Variants in FRMPD1 observed in about 807,000 individuals in gnomAD.
The protein encoded by FRMPD1 is FERM and PDZ domain-containing protein 1.
Under a neutral mutation model 117.8 loss-of-function variants are expected in FRMPD1, and 76 were observed. The ratio of observed to expected loss-of-function variants is 0.65; its 90% confidence interval spans 0.54 to 0.78. FRMPD1 has a LOEUF of 0.78. FRMPD1 is among the 30% of genes least tolerant of loss of function. The probability of loss-of-function intolerance (pLI) is 0.00; values close to 1 mark genes in which losing one functional copy is unlikely to be tolerated. For missense variants in FRMPD1, 1,786 were observed against 1,964.5 expected (o/e 0.91, Z 1.72); for synonymous variants, 783 against 770.4 (o/e 1.02, Z -0.27).
chr9:37,725,868 T>C (rs1563952027), intron 7 of FRMPD1, among the ~76,000 whole-genome samples: 1 of 152,244 alleles, frequency 6.6e-6, no homozygotes, highest in Non-Finnish European at 1.5e-5. Context: ...GCTGGAATCT[T>C]GTCACTCTGC....
Position 37,669,502 on chromosome 9 carries a change from C to T in FRMPD1, c.-5+18408C>T, listed in dbSNP as rs181171577. Among the ~76,000 whole-genome samples the T allele has an allele frequency of 2.3e-3, 351 of 152,298 alleles. 2 individuals are homozygous for T. Among genetic ancestry groups the T allele is most frequent in the Non-Finnish European group, 2.7e-3 (185 of 68,032 alleles). The stretch of plus-strand genomic sequence containing the variant: ...ATTGCCTGCCATGGCTTAAGTCATC[C>T]TCTCCATGTGTTTGACACCCAGGGC... On this transcript the variant is annotated intron_variant, in intron 1 of 15. Coordinates refer to ENST00000377765, the MANE Select transcript of FRMPD1 (RefSeq NM_014907.3).
intron 15 of FRMPD1, among the ~76,000 whole-genome samples, chr9:37,741,450 G>GACACACACAC (rs56971939): frequency 4.9e-4 from 66 of 135,734 alleles, no homozygotes; most frequent in African/African-American, 9.7e-4. Flanking sequence ...ATCCTGGCAG[G>GACACACACAC]ACACACACAC....
intron 15 of FRMPD1, among the ~76,000 whole-genome samples, chr9:37,742,042 T>C (rs1349023391): frequency 6.6e-6 from 1 of 152,246 alleles, no homozygotes; most frequent in African/African-American, 2.4e-5. Context: ...TCTGTGTTGA[T>C]GTTTCTCTCC....
At position 37,744,921 on chromosome 9, in the gene FRMPD1, C is replaced by A; in HGVS notation, c.2889C>A (p.Ser963Arg). Reference protein sequence around the residue: ...KENSGVVPAASSSASTPHCSN... With the variant: ...KENSGVVPAARSSASTPHCSN... ...ATTCTGGTGTTGTCCCTGCTGCCAG[C>A]TCCTCAGCAAGCACTCCTCACTGTT... The change falls in exon 16 of 16, where the codon AGC (serine) becomes AGA (arginine). Residue 963 changes from serine (S) to arginine (R), a missense_variant. Transcript: ENST00000377765. 1.2e-6 allele frequency: 2 copies of A among 1,614,204 alleles called. No homozygotes were observed. Among genetic ancestry groups the A allele is most frequent in the Non-Finnish European group, 1.7e-6 (2 of 1,180,036 alleles).
At chr9:37,733,634 T>C (rs1188660406) in intron 11 of FRMPD1, 35 bp downstream of exon 11, 1 of 1,611,942 alleles carries the variant, frequency 6.2e-7, no homozygotes, top group East Asian at 2.2e-5. Flanking sequence ...CACTCAGCTG[T>C]CGTCTGTGAA....
chr9:37,649,023 A>G (rs907067804), upstream of FRMPD1, among the ~76,000 whole-genome samples: 13 of 152,090 alleles, frequency 8.5e-5, no homozygotes, highest in Admixed American at 7.9e-4. Context: ...ATCTGAGGAG[A>G]GCGGGGTTAG....
the FRMPD1 span, among the ~76,000 whole-genome samples, chr9:37,625,490 T>G: frequency 6.6e-6 from 1 of 151,708 alleles, no homozygotes; most frequent in South Asian, 2.1e-4. Context: ...CGCGCAGGAG[T>G]GTTTCCCGTT....
the FRMPD1 span, among the ~76,000 whole-genome samples, chr9:37,616,264 T>C: frequency 1.3e-5 from 2 of 151,124 alleles, no homozygotes; most frequent in Non-Finnish European, 2.9e-5. Flanking sequence ...ATTTCAGGTG[T>C]GTACCACCAC....
At chr9:37,706,211 G>C (rs200160508) in intron 2 of FRMPD1, among the ~76,000 whole-genome samples, 1 of 151,984 alleles carries the variant, frequency 6.6e-6, no homozygotes, top group Admixed American at 6.6e-5. Flanking sequence ...GTCAGGGCCT[G>C]GGGGGGATCC....
chr9:37,741,193 G>C (rs10814615), intron 15 of FRMPD1, among the ~76,000 whole-genome samples: 3 of 151,998 alleles, frequency 2.0e-5, no homozygotes, highest in African/African-American at 7.3e-5. Flanking sequence ...TACAAAAAAG[G>C]AAAGGGCTTG....
chr9:37,678,666 C>A (rs910398208), intron 1 of FRMPD1, among the ~76,000 whole-genome samples: 1 of 152,136 alleles, frequency 6.6e-6, no homozygotes, highest in Admixed American at 6.6e-5. Context: ...TGATTTTTGT[C>A]TTTTTTGCTC....
At chr9:37,637,963 G>GCTTGCTTTCTTTCTTTCTTT in the FRMPD1 span, among the ~76,000 whole-genome samples, 5 of 100,030 alleles carry the variant, frequency 5.0e-5, no homozygotes, top group Non-Finnish European at 6.1e-5. Flanking sequence ...AATGGTGTAT[G>GCTTGCTTTCTTTCTTTCTTT]CTTTCTTTCT....
At chr9:37,736,011 T>TG (rs1824106302) in intron 13 of FRMPD1, among the ~76,000 whole-genome samples, 1 of 151,318 alleles carries the variant, frequency 6.6e-6, no homozygotes, top group Admixed American at 6.6e-5. Flanking sequence ...GGATTTTTTT[T>TG]TTTTTTTGAG....
chr9:37,691,548 A>G (rs918101409), intron 1 of FRMPD1, among the ~76,000 whole-genome samples: 1 of 152,228 alleles, frequency 6.6e-6, no homozygotes, highest in African/African-American at 2.4e-5. Context: ...GGATATGGGA[A>G]CCCTATATTA....
chr9:37,662,207 A>G (rs1230358594), intron 1 of FRMPD1, among the ~76,000 whole-genome samples: 1 of 152,230 alleles, frequency 6.6e-6, no homozygotes, highest in Admixed American at 6.5e-5. Flanking sequence ...AGAGAGGGCA[A>G]GAGGAGTGAA....
intron 1 of FRMPD1, among the ~76,000 whole-genome samples, chr9:37,682,942 A>T (rs948814514): frequency 1.3e-5 from 2 of 152,220 alleles, no homozygotes; most frequent in Non-Finnish European, 2.9e-5. Context: ...TGGTTTTTAG[A>T]ATATTCACAA....
rs531949141 is a variant in FRMPD1 at position 37,743,520 on chromosome 9, C to CTTTTT, written c.2357-834_2357-830dup. ...ATTGTGGTTGGAAAGAATGGCTCTG[C>CTTTTT]TTTTTTTTTTTTTTTTTTTTTTTTT... is the stretch of plus-strand genomic sequence containing the variant. On this transcript the variant is annotated intron_variant, in intron 15 of 15. Coordinates refer to ENST00000377765, the MANE Select transcript of FRMPD1 (RefSeq NM_014907.3). 6.1e-4 allele frequency among the ~76,000 whole-genome samples: 25 copies of CTTTTT among 40,924 alleles called. 1 individual carries two copies. Among genetic ancestry groups the CTTTTT allele is most frequent in the African/African-American group, 8.2e-4 (11 of 13,334 alleles). The allele number at this position is 40,924 out of a possible 152,430, so 26.8% of individuals were successfully genotyped here. A position where few individuals can be genotyped will look rare whatever the true frequency, so the allele number is the denominator to read the frequency against.
chr9:37,659,930 A>AAC (rs1221236481), intron 1 of FRMPD1, among the ~76,000 whole-genome samples: 2 of 150,404 alleles, frequency 1.3e-5, no homozygotes, highest in Admixed American at 6.6e-5. Context: ...AAAAAAAAAA[A>AAC]AAAACAAAAC....
the FRMPD1 span, among the ~76,000 whole-genome samples, chr9:37,635,714 A>G: frequency 6.6e-6 from 1 of 152,208 alleles, no homozygotes; most frequent in Admixed American, 6.5e-5. Context: ...AAGCAGCTGT[A>G]CCAGAGGGCA....
Sources: allele counts gnomAD v4.1 joint callset (sites outside exome capture counted in the v4.1 genomes callset), GRCh38; gene constraint gnomAD v4.1.1; transcripts MANE v1.5; gene names NCBI Gene and HGNC (gene_info 2026-07-23, HGNC 2026-07-21).